SRRM4: variants seen among roughly 807,000 people sequenced by gnomAD.
SRRM4 encodes the protein serine/arginine repetitive matrix 4.
In SRRM4, 33 loss-of-function variants were observed where a neutral mutation model predicts 68.9. The observed-to-expected ratio is 0.48, with a 90% confidence interval of 0.36 to 0.64. The LOEUF is 0.64. Among genes scored for constraint, SRRM4 ranks in the 30% least tolerant of loss-of-function variants. The probability of loss-of-function intolerance (pLI) is 0.00; values close to 1 mark genes in which losing one functional copy is unlikely to be tolerated. For synonymous variants in SRRM4, 318 were observed against 318.8 expected (o/e 1.00, Z 0.03); for missense variants, 817 against 827.1 (o/e 0.99, Z 0.15).
intron 4 of SRRM4, among the ~76,000 whole-genome samples, chr12:119,119,540 G>A (rs925226237): frequency 2.6e-5 from 4 of 151,852 alleles, no homozygotes; most frequent in Non-Finnish European, 5.9e-5. Flanking sequence ...ACTGAAGAAT[G>A]AGAAGAAGCT....
Position 119,154,320 on chromosome 12 carries a change from A to G in SRRM4, c.1469A>G (p.Tyr490Cys). The change falls in exon 12 of 13, where the codon TAC becomes TGC. Residue 490 changes from tyrosine (Y) to cysteine (C), a missense_variant. Tyr to Cys is a radical substitution (Grantham distance 194). Coordinates refer to ENST00000267260, the MANE Select transcript of SRRM4 (RefSeq NM_194286.4). This position sits in a 1 kb window ranked among gnomAD's most constrained non-coding sequence, Gnocchi z 4.7. ...CGAGCGCGTCGGAGACGTCGGTCCT[A>G]CTCGCCTATGAGAAAGCGCCGGAGA... ...RERARRRRRS[Y>C]SPMRKRRRDS... 2 of 1,612,880 alleles carry G rather than the reference A, an allele frequency of 1.2e-6. 1 individual carries two copies. Among genetic ancestry groups the G allele is most frequent in the South Asian group, 2.2e-5 (2 of 90,858 alleles).
chr12:118,986,083 A>G (rs1953280364), intron 1 of SRRM4, among the ~76,000 whole-genome samples: 1 of 152,206 alleles, frequency 6.6e-6, no homozygotes, highest in Admixed American at 6.5e-5. Flanking sequence ...TGGAGATTTT[A>G]CTGCATAAAG....
At chr12:119,128,504 T>C (rs1954274571) in intron 7 of SRRM4, among the ~76,000 whole-genome samples, 1 of 152,172 alleles carries the variant, frequency 6.6e-6, no homozygotes, top group African/African-American at 2.4e-5. Flanking sequence ...CAGAGACGCC[T>C]GAAACTTCCC....
chr12:119,016,293 C>T (rs1248232523), intron 1 of SRRM4, among the ~76,000 whole-genome samples: 2 of 152,036 alleles, frequency 1.3e-5, no homozygotes, highest in Non-Finnish European at 2.9e-5. Flanking sequence ...AGCCACTCAG[C>T]ATGTGGTACC....
intron 6 of SRRM4, among the ~76,000 whole-genome samples, chr12:119,124,522 G>A (rs1016801662): frequency 6.6e-5 from 10 of 152,240 alleles, no homozygotes; most frequent in East Asian, 1.9e-4. Context: ...TGGCTTTCTC[G>A]TTTGGCCCAA....
chr12:119,091,889 G>A (rs1049943254), intron 1 of SRRM4, among the ~76,000 whole-genome samples: 16 of 152,092 alleles, frequency 1.1e-4, no homozygotes, highest in South Asian at 2.1e-4. Flanking sequence ...TAATGTACCT[G>A]CTGCATCCCT....
At chr12:119,045,011 G>A (rs1953696092) in intron 1 of SRRM4, among the ~76,000 whole-genome samples, 1 of 152,162 alleles carries the variant, frequency 6.6e-6, no homozygotes, top group Non-Finnish European at 1.5e-5. Flanking sequence ...TACCTCATTG[G>A]ATTGTTCACG....
intron 1 of SRRM4, among the ~76,000 whole-genome samples, chr12:119,052,901 T>C (rs577417787): frequency 5.3e-4 from 81 of 152,320 alleles, no homozygotes; most frequent in African/African-American, 1.9e-3. Context: ...CGGTAATAAA[T>C]AAATTGGAGA....
intron 1 of SRRM4, among the ~76,000 whole-genome samples, chr12:119,099,399 G>T (rs573286724): frequency 6.6e-6 from 1 of 152,078 alleles, no homozygotes; most frequent in East Asian, 1.9e-4. Context: ...CTCCCGAAGT[G>T]CTGGGATTAC....
In SRRM4 at chr12:118,982,019, G is replaced by T. The variant is rs1953250750; in HGVS notation, c.131+6G>T. On this transcript the variant is annotated splice_donor_region_variant and intron_variant, in intron 1 of 12. Transcript: ENST00000267260. ...GCCCGCAAGCCGCTGCCAAGGTAAT[G>T]ATCTCCTTCTTAGAAGGGGGGATCC... The T allele has an allele frequency of 6.2e-7, 1 of 1,606,588 alleles. No individual in the cohort carries two copies. The highest frequency in any genetic ancestry group is 1.7e-4 in the Middle Eastern group (1 of 6,056).
At chr12:119,098,882 C>T (rs1441067362) in intron 1 of SRRM4, among the ~76,000 whole-genome samples, 1 of 152,196 alleles carries the variant, frequency 6.6e-6, no homozygotes, top group African/African-American at 2.4e-5. Context: ...TCCCCCACTC[C>T]ATTGCTACTA....
chr12:119,025,589 CAT>C (rs1171675980), intron 1 of SRRM4, among the ~76,000 whole-genome samples: 2 of 152,048 alleles, frequency 1.3e-5, no homozygotes, highest in African/African-American at 4.8e-5. Flanking sequence ...GGATTACAGG[CAT>C]GTGCCACCAT....
intron 8 of SRRM4, among the ~76,000 whole-genome samples, chr12:119,131,523 T>C (rs1407846596): frequency 6.6e-6 from 1 of 152,170 alleles, no homozygotes. Context: ...CAGCATTGAA[T>C]AGAATTAAGC....
chr12:119,139,464 T>C (rs780371664), intron 8 of SRRM4, among the ~76,000 whole-genome samples: 16 of 152,192 alleles, frequency 1.1e-4, no homozygotes, highest in Non-Finnish European at 1.6e-4. Flanking sequence ...TCTCTGATGA[T>C]GACTTTGTGA....
intron 1 of SRRM4, among the ~76,000 whole-genome samples, chr12:119,059,973 T>C (rs1459440389): frequency 6.6e-6 from 1 of 152,174 alleles, no homozygotes; most frequent in Non-Finnish European, 1.5e-5. Context: ...CTCTGCTTCA[T>C]GTCAATCCAA....
intron 1 of SRRM4, among the ~76,000 whole-genome samples, chr12:119,014,943 G>T (rs1435216560): frequency 2.0e-5 from 3 of 152,162 alleles, no homozygotes; most frequent in Non-Finnish European, 4.4e-5. Context: ...TGAGTGATTG[G>T]ATTGATGTTT....
chr12:119,132,051 A>G (rs1954301649), intron 8 of SRRM4, among the ~76,000 whole-genome samples: 1 of 152,198 alleles, frequency 6.6e-6, no homozygotes, highest in Admixed American at 6.5e-5. Context: ...CAAGGCACCC[A>G]GCATAACCAA....
rs182465668 is a variant in SRRM4, at chr12:119,140,822, G to A, written c.772-4559G>A. ...TCCTCGGTCTGAGGGGTATCAGGGG[G>A]AATGAGAGAAAGAACAGAGGGCTTT... is the stretch of plus-strand genomic sequence containing the variant. On this transcript the variant is annotated intron_variant, in intron 8 of 12. Transcript: ENST00000267260. 1.7e-3 allele frequency among the ~76,000 whole-genome samples: 255 copies of A among 152,346 alleles called. 2 individuals carry two copies. Among genetic ancestry groups the A allele is most frequent in the African/African-American group, 5.6e-3 (231 of 41,582 alleles).
rs77990970 is a variant in SRRM4, at chr12:119,098,110, G to A, written c.132-4126G>A. ...TTGATCATTGTCGGGGAAGCCAGCC[G>A]CCATGTTGTGAGGATACTCAAGCAG... On this transcript the variant is annotated intron_variant, in intron 1 of 12. Coordinates refer to ENST00000267260, the MANE Select transcript of SRRM4 (RefSeq NM_194286.4). 1.5e-3 allele frequency among the ~76,000 whole-genome samples: 234 copies of A among 152,266 alleles called. 1 individual carries two copies. The highest frequency in any genetic ancestry group is 2.7e-3 in the Non-Finnish European group (184 of 68,024).
Sources: gnomAD v4.1 joint callset for allele counts (sites outside exome capture counted in the v4.1 genomes callset) on GRCh38, gnomAD v4.1.1 for gene constraint, Gnocchi (gnomAD v3.1) non-coding constraint, MANE v1.5 for transcripts, NCBI Gene and HGNC (gene_info 2026-07-23, HGNC 2026-07-21) for gene names.